The following CRYBG1 variants were observed in gnomAD, a reference collection of about 807,000 sequenced individuals.
CRYBG1 encodes beta/gamma crystallin domain-containing protein 1.
Under a neutral mutation model 189.2 loss-of-function variants are expected in CRYBG1, and 139 were observed. That is an observed-to-expected ratio of 0.73 (90% CI 0.64 to 0.85). The LOEUF is 0.85. Among genes scored for constraint, CRYBG1 ranks in the 40% least tolerant of loss-of-function variants. The pLI is 0.00. For missense variants in CRYBG1, 2,611 were observed against 2,675.8 expected, an observed-to-expected ratio of 0.98 and a Z score of 0.53; for synonymous variants, 1,023 against 1,017.1, an observed-to-expected ratio of 1.01 and a Z score of -0.11.
intron 2 of CRYBG1, among the ~76,000 whole-genome samples, chr6:106,510,413 C>G (rs1235561707): frequency 6.6e-6 from 1 of 152,246 alleles, no homozygotes; most frequent in Non-Finnish European, 1.5e-5. Flanking sequence ...TTCTGCGCTC[C>G]CTCCCGCCTT....
intron 2 of CRYBG1, among the ~76,000 whole-genome samples, chr6:106,504,319 G>A (rs528484597): frequency 2.0e-5 from 3 of 152,110 alleles, no homozygotes; most frequent in South Asian, 4.1e-4. Context: ...ATGGCCAAAT[G>A]TCACAGTTTC....
intron 2 of CRYBG1, among the ~76,000 whole-genome samples, chr6:106,490,202 C>A (rs1772688645): frequency 6.6e-6 from 1 of 152,210 alleles, no homozygotes; most frequent in South Asian, 2.1e-4. Flanking sequence ...CCAGGAGAAT[C>A]CCTCCTTCAC....
intron 1 of CRYBG1, among the ~76,000 whole-genome samples, chr6:106,439,471 A>G (rs1771529910): frequency 6.6e-6 from 1 of 152,196 alleles, no homozygotes; most frequent in Admixed American, 6.5e-5. Context: ...TCTTTGTGTT[A>G]GATTGTGCCC....
intron 2 of CRYBG1, among the ~76,000 whole-genome samples, chr6:106,454,260 CT>C (rs928730397): frequency 1.6e-4 from 25 of 152,288 alleles, no homozygotes; most frequent in African/African-American, 5.8e-4. Context: ...GTACAACAGC[CT>C]TTCTCTTCCC....
At chr6:106,556,003 G>A (rs1192416468) in intron 17 of CRYBG1, 106 bp downstream of exon 17, 2 of 1,295,518 alleles carry the variant, frequency 1.5e-6, no homozygotes, top group Non-Finnish European at 2.2e-6. Flanking sequence ...GTTAGTTAAG[G>A]GCTTGGAGAT....
At chr6:106,462,808 C>T (rs932476858) in intron 2 of CRYBG1, among the ~76,000 whole-genome samples, 2 of 152,082 alleles carry the variant, frequency 1.3e-5, no homozygotes, top group African/African-American at 4.8e-5. Flanking sequence ...GATTGAGTGG[C>T]GAATCAAGAT....
Position 106,543,601 on chromosome 6 carries a change from A to C in CRYBG1, c.5039+4A>C. ...CTATGAAAGTTCTAAGAGGCATGTA[A>C]GTACATGGGTGACTTGTTAGGATTT... On this transcript the variant is annotated splice_donor_region_variant and intron_variant, in intron 11 of 21. Coordinates refer to ENST00000633556, the MANE Select transcript of CRYBG1 (RefSeq NM_001371242.2). 1 of 1,608,678 alleles carries C rather than the reference A, an allele frequency of 6.2e-7. No homozygotes were observed. Among genetic ancestry groups the C allele is most frequent in the Middle Eastern group, 1.7e-4 (1 of 6,030 alleles).
intron 6 of CRYBG1, among the ~76,000 whole-genome samples, chr6:106,526,140 A>G (rs1773733728): frequency 6.6e-6 from 1 of 152,222 alleles, no homozygotes. Context: ...TGTTTGAAGT[A>G]AAGAGGGTAG....
At chr6:106,502,043 C>T (rs1355287122) in intron 2 of CRYBG1, among the ~76,000 whole-genome samples, 3 of 152,136 alleles carry the variant, frequency 2.0e-5, no homozygotes, top group African/African-American at 7.2e-5. Flanking sequence ...CCAGTCAGCC[C>T]CAGGGCCTCT....
chr6:106,458,173 TA>T (rs1440349315), intron 2 of CRYBG1, among the ~76,000 whole-genome samples: 3 of 152,240 alleles, frequency 2.0e-5, no homozygotes, highest in African/African-American at 7.2e-5. Context: ...TGAAATGGTT[TA>T]GGTATCCATG....
In CRYBG1 at chr6:106,511,473, T is replaced by G. The variant is rs564032091; in HGVS notation, c.356T>G (p.Leu119Trp). The change falls in exon 3 of 22, where the codon TTG becomes TGG. Residue 119 changes from leucine to tryptophan, a missense_variant. Physicochemically the swap from Leu to Trp is moderately conservative, Grantham distance 61 (BLOSUM62 -2). This residue lies in a region of CRYBG1 where 985 missense variants were observed against 924.4 expected (regional missense o/e 1.07). Coordinates refer to ENST00000633556, the MANE Select transcript of CRYBG1 (RefSeq NM_001371242.2). ...PPEDNRRKPV[L>W]GKLGTLFTAG... Reference sequence around the variant, plus strand: ...GAAGACAACAGAAGGAAGCCAGTTTTGGGGAAACTTGGCACTCTATTCACT... The same window carrying G: ...GAAGACAACAGAAGGAAGCCAGTTTGGGGGAAACTTGGCACTCTATTCACT... 2,967 of 1,535,782 alleles carry G rather than the reference T, an allele frequency of 1.9e-3. 7 individuals carry two copies. Among genetic ancestry groups the G allele is most frequent in the Non-Finnish European group, 2.0e-3 (2,336 of 1,146,670 alleles).
chr6:106,526,516 CT>C (rs1773741114), intron 6 of CRYBG1, among the ~76,000 whole-genome samples: 1 of 152,056 alleles, frequency 6.6e-6, no homozygotes, highest in Non-Finnish European at 1.5e-5. Flanking sequence ...TAGTGTTTGG[CT>C]GTTGTTGGGA....
chr6:106,371,348 G>T, intron 1 of CRYBG1, among the ~76,000 whole-genome samples: 1 of 152,194 alleles, frequency 6.6e-6, no homozygotes, highest in East Asian at 1.9e-4. Context: ...CCTTTATCAT[G>T]CATGTCATTA....
At chr6:106,367,827 T>C (rs1332629321) in intron 1 of CRYBG1, among the ~76,000 whole-genome samples, 1 of 147,088 alleles carries the variant, frequency 6.8e-6, no homozygotes. Flanking sequence ...ATTAGCCAGG[T>C]GTGGTGGCAC....
At chr6:106,386,179 A>G (rs1271323807) in intron 1 of CRYBG1, among the ~76,000 whole-genome samples, 1 of 152,144 alleles carries the variant, frequency 6.6e-6, no homozygotes, top group African/African-American at 2.4e-5. Context: ...AGGACTCAGT[A>G]TTTTCTTTTA....
At chr6:106,409,550 G>A (rs910095980) in intron 1 of CRYBG1, among the ~76,000 whole-genome samples, 3 of 149,870 alleles carry the variant, frequency 2.0e-5, no homozygotes, top group African/African-American at 7.6e-5. Flanking sequence ...ACCAAAAAAA[G>A]AGCCCGTGTA....
chr6:106,433,734 T>TAC (rs10543806), intron 1 of CRYBG1, among the ~76,000 whole-genome samples: 9 of 71,674 alleles, frequency 1.3e-4, no homozygotes, highest in African/African-American at 3.5e-4. Flanking sequence ...TATATATATA[T>TAC]ACATATATAT....
At chr6:106,558,078 A>G (rs1774598877) in intron 17 of CRYBG1, among the ~76,000 whole-genome samples, 1 of 152,216 alleles carries the variant, frequency 6.6e-6, no homozygotes, top group South Asian at 2.1e-4. Flanking sequence ...ATACCACTGT[A>G]CACTAAGTGA....
At chr6:106,448,201 C>T (rs1771704584) in intron 1 of CRYBG1, among the ~76,000 whole-genome samples, 1 of 152,238 alleles carries the variant, frequency 6.6e-6, no homozygotes, top group South Asian at 2.1e-4. Context: ...ACTGTGAAAT[C>T]ATGGCGTCCA....
Sources: allele counts gnomAD v4.1 joint callset (sites outside exome capture counted in the v4.1 genomes callset), GRCh38; gene constraint gnomAD v4.1.1; regional missense constraint gnomAD v4.1.1; transcripts MANE v1.5; gene names NCBI Gene and HGNC (gene_info 2026-07-23, HGNC 2026-07-21).